The following BTBD2 variants were observed in gnomAD, a reference collection of about 807,000 sequenced individuals.
BTBD2 encodes BTB domain containing 2, also known as BTB/POZ domain-containing protein 2.
Under a neutral mutation model 44.0 loss-of-function variants are expected in BTBD2, and 15 were observed. That is an observed-to-expected ratio of 0.34 (90% CI 0.23 to 0.53). The LOEUF (loss-of-function observed/expected upper bound fraction) is 0.53. Among genes scored for constraint, BTBD2 ranks in the 20% least tolerant of loss-of-function variants. The probability of loss-of-function intolerance (pLI) is 0.95; values close to 1 mark genes in which losing one functional copy is unlikely to be tolerated. For missense variants in BTBD2, 657 were observed against 746.4 expected, an observed-to-expected ratio of 0.88 and a Z score of 1.39; for synonymous variants, 443 against 335.9, an observed-to-expected ratio of 1.32 and a Z score of -3.49.
At chr19:1,998,669 C>T (rs1235525917) in intron 1 of BTBD2, among the ~76,000 whole-genome samples, 6 of 152,238 alleles carry the variant, frequency 3.9e-5, no homozygotes, top group African/African-American at 4.8e-5. Flanking sequence ...GAGAACTCCA[C>T]GGCTCCCAGG....
Position 1,986,275 on chromosome 19 carries a change from T to G in BTBD2, c.*213A>C. On this transcript the variant is annotated 3_prime_UTR_variant, in exon 9 of 9. Coordinates refer to ENST00000255608, the MANE Select transcript of BTBD2 (RefSeq NM_017797.4). ...TCTCCACAGGGCCTGGCCACTGGCC[T>G]GGCCACCTCCCCGGCTGCCCTGATC... is the stretch of plus-strand genomic sequence containing the variant. 3.3e-6 allele frequency: 2 copies of G among 607,912 alleles called. No homozygotes were observed. Among genetic ancestry groups the G allele is most frequent in the Non-Finnish European group, 5.7e-6 (2 of 350,936 alleles). The allele number at this position is 607,912 out of a possible 1,614,324, so 37.7% of individuals were successfully genotyped here. A position where few individuals can be genotyped will look rare whatever the true frequency, so the allele number is the denominator to read the frequency against.
chr19:1,999,261 C>A (rs1475756817), intron 1 of BTBD2, among the ~76,000 whole-genome samples: 1 of 152,216 alleles, frequency 6.6e-6, no homozygotes, highest in Non-Finnish European at 1.5e-5. Flanking sequence ...TCCACATCCG[C>A]CCCGAACCTC....
chr19:2,010,526 G>C (rs1422486515), intron 1 of BTBD2, among the ~76,000 whole-genome samples: 4 of 152,162 alleles, frequency 2.6e-5, no homozygotes, highest in Non-Finnish European at 4.4e-5. Flanking sequence ...CCAGGGACCA[G>C]GCCCAAGCCC....
Position 1,999,884 on chromosome 19 carries a change from C to G in BTBD2, c.408-2421G>C, listed in dbSNP as rs1457306165. Among the ~76,000 whole-genome samples, 3 of 151,402 alleles carry G rather than the reference C, an allele frequency of 2.0e-5. No individual in the cohort carries two copies. The East Asian group carries it at 5.8e-4, about 29-fold the overall frequency. Reference sequence around the variant, plus strand: ...GGCTGAGGCAGGAGAATTGCTTGAACCCGGGAGGCGGAGGTTTCAGTGAGC... The same window carrying G: ...GGCTGAGGCAGGAGAATTGCTTGAAGCCGGGAGGCGGAGGTTTCAGTGAGC... On this transcript the variant is annotated intron_variant, in intron 1 of 8. Transcript: ENST00000255608.
At chr19:2,001,906 T>G (rs1202461010) in intron 1 of BTBD2, among the ~76,000 whole-genome samples, 3 of 150,910 alleles carry the variant, frequency 2.0e-5, no homozygotes, top group Non-Finnish European at 4.4e-5. Flanking sequence ...GCCTGGCTAA[T>G]TTGTGTATTT....
chr19:1,999,869 G>T (rs1408852250), intron 1 of BTBD2, among the ~76,000 whole-genome samples: 2 of 151,474 alleles, frequency 1.3e-5, no homozygotes, highest in Non-Finnish European at 2.9e-5. Context: ...GGCTGAGGCA[G>T]GAGAATTGCT....
Position 1,990,122 on chromosome 19 carries a change from G to T in BTBD2, c.870C>A (p.Ser290=), listed in dbSNP as rs371242025. The T allele has an allele frequency of 1.2e-6, 2 of 1,612,478 alleles. No homozygotes were observed. Among genetic ancestry groups the T allele is most frequent in the Non-Finnish European group, 1.7e-6 (2 of 1,179,836 alleles). Residue 290 remains serine, a synonymous_variant, in exon 5 of 9, where the codon TCC becomes TCA. Coordinates refer to ENST00000255608, the MANE Select transcript of BTBD2 (RefSeq NM_017797.4). Reference sequence around the variant, plus strand: ...GCTGCTGCCGCTGACACTCGGCCTCGGACCAGCGGACAACGGCATTGAACA... The same window carrying T: ...GCTGCTGCCGCTGACACTCGGCCTCTGACCAGCGGACAACGGCATTGAACA... ...VRLFNAVVRW[S]EAECQRQQLQ...
chr19:1,988,974 G>A (rs552167055), intron 5 of BTBD2, among the ~76,000 whole-genome samples: 28 of 152,084 alleles, frequency 1.8e-4, no homozygotes, highest in African/African-American at 5.5e-4. Flanking sequence ...GTGCAGTGGC[G>A]CGATCTCGGC....
chr19:1,997,564 C>G, intron 1 of BTBD2, 101 bp from the exon 2 acceptor site: 2 of 1,526,792 alleles, frequency 1.3e-6, no homozygotes, highest in Non-Finnish European at 1.8e-6. Context: ...CTAGGGCTCC[C>G]TGCCAGCCTC....
chr19:1,990,280 G>T, intron 4 of BTBD2, 79 bp from the exon 5 acceptor site: 1 of 1,475,784 alleles, frequency 6.8e-7, no homozygotes, highest in South Asian at 1.2e-5. Flanking sequence ...CTAACGTGAG[G>T]ACCAGCAGTT....
rs755845312 is a variant in BTBD2, at chr19:1,990,085, G to A, written c.907C>T (p.Pro303Ser). 1.2e-6 allele frequency: 2 copies of A among 1,613,022 alleles called. No individual in the cohort carries two copies. Among genetic ancestry groups the A allele is most frequent in the African/African-American group, 1.3e-5 (1 of 74,944 alleles). Residue 303 changes from proline to serine, a missense_variant, in exon 5 of 9, where the codon CCA becomes TCA. This residue lies in a region of BTBD2 where 449 missense variants were observed against 510.9 expected (regional missense o/e 0.88). Transcript: ENST00000255608. Reference protein sequence around the residue: ...ECQRQQLQVTPENRRKVLGKA... With the variant: ...ECQRQQLQVTSENRRKVLGKA... Reference sequence around the variant, plus strand: ...CCCAGAACCTTCCGCCTGTTCTCTGGCGTCACCTGCAGCTGCTGCCGCTGA... The same window carrying A: ...CCCAGAACCTTCCGCCTGTTCTCTGACGTCACCTGCAGCTGCTGCCGCTGA...
chr19:1,992,269 T>A (rs913796401), intron 3 of BTBD2, among the ~76,000 whole-genome samples: 2 of 151,998 alleles, frequency 1.3e-5, no homozygotes, highest in African/African-American at 2.4e-5. Flanking sequence ...ATTTATGAAA[T>A]ATTTTTTTTT....
chr19:1,995,257 G>A (rs568599493), intron 2 of BTBD2, among the ~76,000 whole-genome samples: 6 of 148,760 alleles, frequency 4.0e-5, no homozygotes, highest in East Asian at 2.0e-4. Context: ...GTGAGCCACC[G>A]CGCCTAGCCA....
At chr19:2,001,255 T>TG (rs1054054083) in intron 1 of BTBD2, among the ~76,000 whole-genome samples, 7 of 151,674 alleles carry the variant, frequency 4.6e-5, no homozygotes, top group African/African-American at 1.2e-4. Context: ...CCCAGCACTT[T>TG]GGGGGGCCGA....
chr19:2,007,306 G>A (rs2016407640), intron 1 of BTBD2, among the ~76,000 whole-genome samples: 1 of 152,158 alleles, frequency 6.6e-6, no homozygotes, highest in South Asian at 2.1e-4. Flanking sequence ...AGTTTTATTA[G>A]AACACAGCTC....
chr19:1,990,298 G>T, intron 4 of BTBD2, 97 bp from the exon 5 acceptor site: 2 of 1,400,138 alleles, frequency 1.4e-6, no homozygotes, highest in Non-Finnish European at 1.9e-6. Flanking sequence ...GTTAAAGCCG[G>T]GCTGGCAACT....
At chr19:2,010,032 G>C (rs1196240063) in intron 1 of BTBD2, among the ~76,000 whole-genome samples, 1 of 151,760 alleles carries the variant, frequency 6.6e-6, no homozygotes, top group Non-Finnish European at 1.5e-5. Context: ...GGTGCCTGTA[G>C]TCCCAGCTAC....
intron 1 of BTBD2, among the ~76,000 whole-genome samples, chr19:2,010,795 C>T (rs772494961): frequency 1.3e-5 from 2 of 152,248 alleles, no homozygotes; most frequent in South Asian, 2.1e-4. Flanking sequence ...CGTGCCACCG[C>T]GCCCAGCTTA....
At chr19:1,994,320 A>T (rs2016222253) in intron 2 of BTBD2, among the ~76,000 whole-genome samples, 1 of 151,664 alleles carries the variant, frequency 6.6e-6, no homozygotes, top group African/African-American at 2.4e-5. Context: ...CCTCTCAAAA[A>T]AAAAATAAAA....
Sources: gnomAD v4.1 joint callset for allele counts (sites outside exome capture counted in the v4.1 genomes callset) on GRCh38, gnomAD v4.1.1 for gene constraint, gnomAD v4.1.1 regional missense constraint, MANE v1.5 for transcripts, NCBI Gene and HGNC (gene_info 2026-07-23, HGNC 2026-07-21) for gene names.